AIM2: variants seen among roughly 807,000 people sequenced by gnomAD.
AIM2 encodes the protein interferon-inducible protein AIM2.
AIM2 carries 30 observed loss-of-function variants against 27.7 expected under a neutral mutation model. The observed-to-expected ratio is 1.08, with a 90% CI of 0.81 to 1.47. The LOEUF is 1.47. Among genes scored for constraint, AIM2 ranks in the 40% most tolerant of loss-of-function variants. The pLI is 0.00. For missense variants in AIM2, 358 were observed against 411.3 expected (o/e 0.87, Z 1.12); for synonymous variants, 141 against 145.3 (o/e 0.97, Z 0.21).
At chr1:159,124,681 C>T (rs537839437) in intron 1 of AIM2, among the ~76,000 whole-genome samples, 5 of 152,106 alleles carry the variant, frequency 3.3e-5, no homozygotes, top group African/African-American at 4.8e-5. Flanking sequence ...TTGAGAGTAA[C>T]GTATTTTTGT....
intron 1 of AIM2, among the ~76,000 whole-genome samples, chr1:159,123,927 C>A (rs1570978464): frequency 6.6e-6 from 1 of 152,198 alleles, no homozygotes; most frequent in South Asian, 2.1e-4. Flanking sequence ...CACAGCAGGG[C>A]TGGGGTATAT....
intron 1 of AIM2, among the ~76,000 whole-genome samples, chr1:159,131,790 A>G (rs1412135048): frequency 3.3e-5 from 5 of 152,214 alleles, no homozygotes; most frequent in Admixed American, 3.3e-4. Flanking sequence ...AACACCTTTA[A>G]CAGATAATCT....
chr1:159,120,587 C>T (rs1309428253), intron 1 of AIM2, among the ~76,000 whole-genome samples: 1 of 152,140 alleles, frequency 6.6e-6, no homozygotes, highest in African/African-American at 2.4e-5. Context: ...CATTATAACC[C>T]TTGAACCAGA....
intron 4 of AIM2, among the ~76,000 whole-genome samples, chr1:159,064,687 ACTC>A (rs1047624515): frequency 2.0e-5 from 3 of 152,002 alleles, no homozygotes; most frequent in Admixed American, 2.0e-4. Flanking sequence ...ATGATCTGGA[ACTC>A]CTCAACTCAG....
At chr1:159,087,816 G>A (rs1030307602) in intron 1 of AIM2, among the ~76,000 whole-genome samples, 7 of 151,924 alleles carry the variant, frequency 4.6e-5, no homozygotes, top group South Asian at 4.2e-4. Flanking sequence ...CAAGTGATCC[G>A]CCTATCTTGG....
At chr1:159,099,400 A>C (rs183223709) in intron 1 of AIM2, among the ~76,000 whole-genome samples, 1 of 152,278 alleles carries the variant, frequency 6.6e-6, no homozygotes, top group African/African-American at 2.4e-5. Context: ...TAGAGGTGAA[A>C]GCAATGCAGG....
At chr1:159,073,558 A>C in intron 1 of AIM2, 39 bp from the exon 2 acceptor site, 1 of 1,532,838 alleles carries the variant, frequency 6.5e-7, no homozygotes, top group Non-Finnish European at 8.8e-7. Context: ...ACACCACCAA[A>C]AGTGATTCTA....
intron 1 of AIM2, among the ~76,000 whole-genome samples, chr1:159,093,084 C>T (rs1251251021): frequency 6.6e-6 from 1 of 150,870 alleles, no homozygotes; most frequent in African/African-American, 2.4e-5. Flanking sequence ...GATCCCAGAA[C>T]TTTTACTTCC....
chr1:159,098,555 T>C lies in AIM2; in HGVS notation c.-15-32226A>G, dbSNP rs139070746. ...TCCAGCGTTATAAAAAGTTCTATTG[T>C]GTATTGCTGACCTAGAGAAAGATAA... is the stretch of plus-strand genomic sequence containing the variant. On this transcript the variant is annotated intron_variant, in intron 1 of 2. Coordinates refer to the AIM2 transcript ENST00000368129. Among the ~76,000 whole-genome samples, 1,324 of 152,314 alleles carry C rather than the reference T, an allele frequency of 8.7e-3. 20 individuals are homozygous for C. Among genetic ancestry groups the C allele is most frequent in the African/African-American group, 0.03 (1,260 of 41,558 alleles).
At chr1:159,126,230 C>G (rs1647682014) in intron 1 of AIM2, among the ~76,000 whole-genome samples, 1 of 152,210 alleles carries the variant, frequency 6.6e-6, no homozygotes, top group African/African-American at 2.4e-5. Flanking sequence ...TAAACTGCCA[C>G]TGGCCTGGGA....
At chr1:159,072,725 G>A (rs1355234127) in intron 2 of AIM2, among the ~76,000 whole-genome samples, 1 of 152,210 alleles carries the variant, frequency 6.6e-6, no homozygotes, top group East Asian at 1.9e-4. Flanking sequence ...AGAAGGAGGA[G>A]ATCATCGCCT....
At chr1:159,104,110 C>T (rs1239227068) in intron 1 of AIM2, among the ~76,000 whole-genome samples, 1 of 151,928 alleles carries the variant, frequency 6.6e-6, no homozygotes, top group Non-Finnish European at 1.5e-5. Flanking sequence ...TATTTGAATA[C>T]TAATGCTGAA....
At chr1:159,134,093 T>TA (rs1347696652) in intron 1 of AIM2, among the ~76,000 whole-genome samples, 1 of 152,210 alleles carries the variant, frequency 6.6e-6, no homozygotes, top group Non-Finnish European at 1.5e-5. Context: ...CCAGAAATCT[T>TA]AGAGCCTTTC....
downstream of AIM2, among the ~76,000 whole-genome samples, chr1:159,059,338 C>A (rs1234901744): frequency 6.6e-6 from 1 of 151,872 alleles, no homozygotes; most frequent in East Asian, 1.9e-4. Context: ...GATTATTTTG[C>A]TCATTTTGGG....
intron 1 of AIM2, among the ~76,000 whole-genome samples, chr1:159,115,444 C>T (rs1557910065): frequency 1.3e-5 from 2 of 152,258 alleles, no homozygotes; most frequent in African/African-American, 2.4e-5. Context: ...TACTACAAGG[C>T]TATGGTAACC....
chr1:159,145,474 A>T (rs141580596), upstream of AIM2, among the ~76,000 whole-genome samples: 242 of 152,288 alleles, frequency 1.6e-3, no homozygotes, highest in African/African-American at 5.6e-3. Flanking sequence ...AAGAAATGAG[A>T]TAATCCAGGT....
intron 1 of AIM2, among the ~76,000 whole-genome samples, chr1:159,091,785 A>G (rs1235108271): frequency 6.6e-6 from 1 of 152,238 alleles, no homozygotes; most frequent in Admixed American, 6.5e-5. Context: ...CAAAGCAAAA[A>G]TGGTGGCTTC....
chr1:159,073,813 C>T (rs187414128), intron 1 of AIM2, among the ~76,000 whole-genome samples: 95 of 152,218 alleles, frequency 6.2e-4, no homozygotes, highest in Admixed American at 9.8e-4. Flanking sequence ...CCAAGGTGGG[C>T]GGATCACCTG....
intron 1 of AIM2, among the ~76,000 whole-genome samples, chr1:159,095,016 G>GA (rs1042700201): frequency 5.3e-5 from 8 of 151,682 alleles, no homozygotes; most frequent in African/African-American, 1.9e-4. Flanking sequence ...AATCATTACT[G>GA]AAAAAAAATC....
Sources: allele counts gnomAD v4.1 joint callset (sites outside exome capture counted in the v4.1 genomes callset), GRCh38; gene constraint gnomAD v4.1.1; transcripts MANE v1.5; gene names NCBI Gene and HGNC (gene_info 2026-07-23, HGNC 2026-07-21).